Variants in RYR2 observed in about 807,000 individuals in gnomAD.
RYR2 encodes cardiac muscle ryanodine receptor-calcium release channel.
Under a neutral mutation model 601.1 loss-of-function variants are expected in RYR2, and 227 were observed. The observed-to-expected ratio is 0.38, with a 90% CI of 0.34 to 0.42. The LOEUF is 0.42. Ranked by LOEUF, RYR2 falls within the 10% of genes least tolerant of loss-of-function variation. The pLI, the probability that RYR2 is intolerant of heterozygous loss-of-function variation, is 1.00. For missense variants in RYR2, 4,646 were observed against 6,156.5 expected, an observed-to-expected ratio of 0.75 and a Z score of 8.21; for synonymous variants, 2,223 against 2,175.1, an observed-to-expected ratio of 1.02 and a Z score of -0.61.
At chr1:237,380,540 G>A (rs570428486) in intron 8 of RYR2, among the ~76,000 whole-genome samples, 4 of 149,732 alleles carry the variant, frequency 2.7e-5, no homozygotes, top group African/African-American at 9.9e-5. Context: ...GGGGTGTTAC[G>A]GGATTAAATG....
At position 237,500,826 on chromosome 1, in the gene RYR2, A is replaced by G. The variant is rs962909917; in HGVS notation, c.2319A>G (p.Gln773=). 1.9e-6 allele frequency: 3 copies of G among 1,613,872 alleles called. No homozygotes were observed. The highest frequency in any genetic ancestry group is 3.3e-5 in the Admixed American group (2 of 59,994). Residue 773 remains glutamine (Q), a synonymous_variant, in exon 21 of 105, where the codon CAA becomes CAG. Coordinates refer to ENST00000366574, the MANE Select transcript of RYR2 (RefSeq NM_001035.3). ...APSISFRING[Q]PVQGMFENFN... is the part of the protein sequence containing the mutation. ...GCATCTCGTTCCGAATTAATGGACA[A>G]CCTGTTCAAGGAATGTTTGAGAATT... is the stretch of plus-strand genomic sequence containing the variant.
intron 50 of RYR2, 42 bp downstream of exon 50, chr1:237,650,139 A>C: frequency 1.3e-6 from 2 of 1,552,734 alleles, no homozygotes; most frequent in Non-Finnish European, 8.8e-7. Flanking sequence ...TTCTTTAAAA[A>C]ACAGAATTTA....
chr1:237,345,279 G>T (rs9428666), intron 3 of RYR2, among the ~76,000 whole-genome samples: 22,236 of 151,772 alleles, frequency 0.15, 1,784 homozygotes, highest in East Asian at 0.33. Flanking sequence ...GTTAGAATGT[G>T]TAAAAATTTT....
At chr1:237,221,649 T>G (rs905820055) in intron 1 of RYR2, among the ~76,000 whole-genome samples, 1 of 152,262 alleles carries the variant, frequency 6.6e-6, no homozygotes, top group East Asian at 1.9e-4. Context: ...TTTCCTTTAT[T>G]AGCTAAATTC....
chr1:237,044,754 A>C (rs1660347588), intron 1 of RYR2, among the ~76,000 whole-genome samples: 1 of 149,930 alleles, frequency 6.7e-6, no homozygotes, highest in Non-Finnish European at 1.5e-5. Flanking sequence ...TTCTCCACCC[A>C]TTACCCTCCA....
At chr1:237,806,050 T>G in intron 98 of RYR2, 87 bp from the exon 99 acceptor site, 1 of 1,179,670 alleles carries the variant, frequency 8.5e-7, no homozygotes, top group Non-Finnish European at 1.2e-6. Context: ...TTTAACTTTC[T>G]GTTCCTGGCT....
In RYR2 at chr1:237,648,452, G is replaced by A. The variant is rs140798752; in HGVS notation, c.7351G>A (p.Val2451Met). The change falls in exon 49 of 105, where the codon GTG (valine) becomes ATG (methionine). Residue 2451 changes from valine (V) to methionine (M), a missense_variant. Physicochemically the swap from Val to Met is conservative, Grantham distance 21. Transcript: ENST00000366574. ...QMPTIAKDGNVVEPDMSAGFC... is the reference protein window; with the variant it reads ...QMPTIAKDGNMVEPDMSAGFC... Reference sequence around the variant, plus strand: ...TCACTTCTCTCTTTTAGATGGGAATGTGGTGGAACCTGACATGTCTGCGGG... The same window carrying A: ...TCACTTCTCTCTTTTAGATGGGAATATGGTGGAACCTGACATGTCTGCGGG... The A allele has an allele frequency of 1.9e-6, 3 of 1,605,504 alleles. No homozygotes were observed. The highest frequency in any genetic ancestry group is 4.5e-5 in the East Asian group (2 of 44,780).
intron 17 of RYR2, among the ~76,000 whole-genome samples, chr1:237,491,294 T>C (rs955530826): frequency 6.6e-6 from 1 of 152,170 alleles, no homozygotes; most frequent in Non-Finnish European, 1.5e-5. Context: ...GAGAATGTCA[T>C]GATCTCCATG....
chr1:237,184,309 G>A (rs1469701750), intron 1 of RYR2, among the ~76,000 whole-genome samples: 1 of 152,194 alleles, frequency 6.6e-6, no homozygotes. Context: ...TGTCTTAGGA[G>A]GAACGTGGCT....
intron 1 of RYR2, among the ~76,000 whole-genome samples, chr1:237,132,066 G>A (rs746803359): frequency 6.6e-6 from 1 of 152,274 alleles, no homozygotes; most frequent in Non-Finnish European, 1.5e-5. Context: ...ACACTGAATA[G>A]GGTTGGTCTG....
chr1:237,660,518 A>G (rs1447123136), intron 55 of RYR2, among the ~76,000 whole-genome samples: 2 of 152,170 alleles, frequency 1.3e-5, no homozygotes, highest in African/African-American at 2.4e-5. Flanking sequence ...TGTATATTAC[A>G]TAAGCTGTCC....
At chr1:237,428,107 G>A (rs1356515207) in intron 12 of RYR2, among the ~76,000 whole-genome samples, 1 of 152,176 alleles carries the variant, frequency 6.6e-6, no homozygotes, top group African/African-American at 2.4e-5. Context: ...AACAACAGAT[G>A]CTGGTGAGGC....
At chr1:237,752,462 T>TAA (rs11336558) in intron 80 of RYR2, among the ~76,000 whole-genome samples, 1 of 143,018 alleles carries the variant, frequency 7.0e-6, no homozygotes, top group Non-Finnish European at 1.5e-5. Flanking sequence ...TTTATTTAAT[T>TAA]AAAAAAAAAA....
intron 13 of RYR2, among the ~76,000 whole-genome samples, chr1:237,443,401 TA>T (rs1421775186): frequency 7.2e-5 from 11 of 152,198 alleles, no homozygotes; most frequent in Admixed American, 7.2e-4. Flanking sequence ...ATTTCAATTT[TA>T]CTTAGCTTTT....
chr1:237,779,460 T>C (rs1049622474), intron 88 of RYR2, among the ~76,000 whole-genome samples: 34 of 152,210 alleles, frequency 2.2e-4, no homozygotes, highest in African/African-American at 8.2e-4. Context: ...ACCTTCAGAG[T>C]GTGAGTATTT....
At chr1:237,502,745 C>T (rs544671616) in intron 21 of RYR2, among the ~76,000 whole-genome samples, 8 of 151,644 alleles carry the variant, frequency 5.3e-5, no homozygotes, top group South Asian at 4.2e-4. Flanking sequence ...TGGTACCTGT[C>T]GTGGCCTGGG....
intron 70 of RYR2, 129 bp from the exon 71 acceptor site, chr1:237,711,616 C>T (rs1374476005): frequency 3.2e-6 from 2 of 629,742 alleles, no homozygotes; most frequent in Admixed American, 6.1e-5. Flanking sequence ...ATACTTGTAT[C>T]CTTTTTTGAT....
chr1:237,626,568 CTTTTTCTTTTTCTTTTTTTTTTTTT>C (rs1379136117), intron 40 of RYR2, among the ~76,000 whole-genome samples: 1 of 60,208 alleles, frequency 1.7e-5, no homozygotes, highest in Admixed American at 1.7e-4. Context: ...TTTTCTTTTT[CTTTTTCTTTTTCTTTTTTTTTTTTT>C]TTTTTTTTTT....
intron 19 of RYR2, among the ~76,000 whole-genome samples, chr1:237,495,293 C>G (rs2255271): frequency 0.58 from 87,864 of 151,854 alleles, 26,036 homozygotes; most frequent in African/African-American, 0.71. Flanking sequence ...CAAATGGATG[C>G]TCAAATTTTC....
Sources: gnomAD v4.1 joint callset for allele counts (sites outside exome capture counted in the v4.1 genomes callset) on GRCh38, gnomAD v4.1.1 for gene constraint, MANE v1.5 for transcripts, NCBI Gene and HGNC (gene_info 2026-07-23, HGNC 2026-07-21) for gene names.